Variants in NEGR1 observed in about 807,000 individuals in gnomAD.
NEGR1 encodes the protein neuronal growth regulator 1, also known as IgLON family member 4.
In NEGR1, 10 loss-of-function variants were observed where a neutral mutation model predicts 40.9. The observed-to-expected ratio is 0.24, with a 90% CI of 0.15 to 0.42. The LOEUF (loss-of-function observed/expected upper bound fraction) is 0.42, where lower values mean the gene tolerates loss of function less well. Among genes scored for constraint, NEGR1 ranks in the 10% least tolerant of loss-of-function variants. The pLI is 1.00. For missense variants in NEGR1, 352 were observed against 438.9 expected, an observed-to-expected ratio of 0.80 and a Z score of 1.77; for synonymous variants, 185 against 166.8, an observed-to-expected ratio of 1.11 and a Z score of -0.84.
chr1:72,168,680 A>C (rs115309239), intron 1 of NEGR1, among the ~76,000 whole-genome samples: 6,960 of 152,168 alleles, frequency 0.046, 524 homozygotes, highest in African/African-American at 0.16. Flanking sequence ...GCTTGAGCCC[A>C]GGTGTTCGAG....
chr1:71,462,245 A>T (rs1280464612), intron 6 of NEGR1, among the ~76,000 whole-genome samples: 2 of 152,176 alleles, frequency 1.3e-5, no homozygotes, highest in Admixed American at 1.3e-4. Context: ...TAAATTTGTT[A>T]GAGATGCCTT....
At chr1:71,557,799 A>G (rs1648301516) in intron 6 of NEGR1, among the ~76,000 whole-genome samples, 1 of 151,634 alleles carries the variant, frequency 6.6e-6, no homozygotes, top group African/African-American at 2.4e-5. Context: ...ATTTAATCAG[A>G]TTTCCCAAAT....
chr1:72,187,556 C>A (rs1652656919), intron 1 of NEGR1, among the ~76,000 whole-genome samples: 1 of 151,274 alleles, frequency 6.6e-6, no homozygotes, highest in Non-Finnish European at 1.5e-5. Flanking sequence ...GCTCTACTTT[C>A]TTTTTCTTTT....
At chr1:72,041,948 C>A (rs1193371982) in intron 1 of NEGR1, among the ~76,000 whole-genome samples, 2 of 122,652 alleles carry the variant, frequency 1.6e-5, no homozygotes, top group African/African-American at 6.2e-5. Flanking sequence ...ATTTGAGAGT[C>A]TCAAATATAT....
At chr1:72,111,686 G>C (rs1185923565) in intron 1 of NEGR1, among the ~76,000 whole-genome samples, 4 of 151,648 alleles carry the variant, frequency 2.6e-5, no homozygotes, top group Non-Finnish European at 5.9e-5. Flanking sequence ...TTCGAAATGA[G>C]AATTTTGAAA....
chr1:71,606,261 C>T (rs371498265), intron 5 of NEGR1, among the ~76,000 whole-genome samples: 65 of 152,168 alleles, frequency 4.3e-4, no homozygotes, highest in African/African-American at 1.4e-3. Flanking sequence ...GTGACATCCA[C>T]GTGGCAATTA....
At chr1:71,843,742 C>T (rs1234902984) in intron 2 of NEGR1, among the ~76,000 whole-genome samples, 7 of 152,108 alleles carry the variant, frequency 4.6e-5, no homozygotes, top group Non-Finnish European at 8.8e-5. Flanking sequence ...TAAATTCTAG[C>T]TTAGCATTTA....
At chr1:71,543,590 T>C (rs1647790983) in intron 6 of NEGR1, among the ~76,000 whole-genome samples, 1 of 151,776 alleles carries the variant, frequency 6.6e-6, no homozygotes, top group African/African-American at 2.4e-5. Flanking sequence ...GAGTTGGACC[T>C]AAGTGTGTCC....
At chr1:72,049,741 T>A (rs759210297) in intron 1 of NEGR1, among the ~76,000 whole-genome samples, 1 of 151,578 alleles carries the variant, frequency 6.6e-6, no homozygotes, top group Non-Finnish European at 1.5e-5. Flanking sequence ...ATAAGCACCA[T>A]TTTTTACTCA....
chr1:71,463,945 C>G (rs756161141), intron 6 of NEGR1, among the ~76,000 whole-genome samples: 2 of 152,084 alleles, frequency 1.3e-5, no homozygotes, highest in Admixed American at 6.6e-5. Context: ...TGAATTGTAT[C>G]GTCAGGAATC....
Position 72,048,828 on chromosome 1 carries a change from T to G in NEGR1, c.177-113517A>C, listed in dbSNP as rs192977696. On this transcript the variant is annotated intron_variant, in intron 1 of 6. Transcript: ENST00000357731. The stretch of plus-strand genomic sequence containing the variant: ...TAATTAAGTCAATTAACTGGACATT[T>G]TTTTTTGTTCTGAAACAAAAAAGGA... Among the ~76,000 whole-genome samples, 472 of 151,746 alleles carry G rather than the reference T, an allele frequency of 3.1e-3. 3 individuals carry two copies. Among genetic ancestry groups the G allele is most frequent in the African/African-American group, 0.011 (454 of 41,478 alleles).
At chr1:72,131,305 C>G (rs1051942023) in intron 1 of NEGR1, among the ~76,000 whole-genome samples, 1 of 151,792 alleles carries the variant, frequency 6.6e-6, no homozygotes, top group Non-Finnish European at 1.5e-5. Flanking sequence ...AGAAATAAGT[C>G]AAGAAAAAAT....
intron 1 of NEGR1, among the ~76,000 whole-genome samples, chr1:72,013,953 C>T (rs3128561): frequency 9.2e-6 from 1 of 109,166 alleles, no homozygotes. Flanking sequence ...AAGAGATGCT[C>T]TGTGAAAAAT....
intron 6 of NEGR1, among the ~76,000 whole-genome samples, chr1:71,574,397 G>A (rs1302650692): frequency 6.6e-6 from 1 of 152,172 alleles, no homozygotes; most frequent in Non-Finnish European, 1.5e-5. Context: ...AATCTCAGAC[G>A]CTTTGCAGTT....
intron 1 of NEGR1, among the ~76,000 whole-genome samples, chr1:72,082,919 C>T (rs1648063717): frequency 6.6e-6 from 1 of 152,012 alleles, no homozygotes; most frequent in Admixed American, 6.6e-5. Flanking sequence ...AAATGTATGC[C>T]TCAATATTGG....
At chr1:72,097,928 C>T (rs1648772194) in intron 1 of NEGR1, among the ~76,000 whole-genome samples, 1 of 152,178 alleles carries the variant, frequency 6.6e-6, no homozygotes, top group African/African-American at 2.4e-5. Context: ...ACCCCCATAT[C>T]TCTTTCTGTG....
intron 1 of NEGR1, among the ~76,000 whole-genome samples, chr1:72,234,564 A>C (rs1654486458): frequency 6.6e-6 from 1 of 152,140 alleles, no homozygotes; most frequent in African/African-American, 2.4e-5. Flanking sequence ...ATCTATAAGG[A>C]ACTTAAACAA....
At chr1:71,832,315 T>C (rs1376750749) in intron 2 of NEGR1, among the ~76,000 whole-genome samples, 1 of 151,992 alleles carries the variant, frequency 6.6e-6, no homozygotes, top group East Asian at 1.9e-4. Flanking sequence ...ACTTGTGCCA[T>C]ATGTCTGAAA....
intron 4 of NEGR1, among the ~76,000 whole-genome samples, chr1:71,611,571 C>A (rs1650251324): frequency 6.6e-6 from 1 of 152,164 alleles, no homozygotes; most frequent in African/African-American, 2.4e-5. Flanking sequence ...GGTATTATCT[C>A]AATTTTACAA....
Sources: gnomAD v4.1 joint callset for allele counts (sites outside exome capture counted in the v4.1 genomes callset) on GRCh38, gnomAD v4.1.1 for gene constraint, MANE v1.5 for transcripts, NCBI Gene and HGNC (gene_info 2026-07-23, HGNC 2026-07-21) for gene names.